SNRNP200: variants seen among roughly 807,000 people sequenced by gnomAD.
SNRNP200 encodes U5 small nuclear ribonucleoprotein 200 kDa helicase.
A neutral mutation model predicts 255.2 loss-of-function variants in SNRNP200; 66 were observed. The observed-to-expected ratio is 0.26, with a 90% CI of 0.21 to 0.32. The LOEUF is 0.32. Ranked by LOEUF, SNRNP200 falls within the 10% of genes least tolerant of loss-of-function variation. The pLI, the probability that SNRNP200 is intolerant of heterozygous loss-of-function variation, is 1.00. For synonymous variants in SNRNP200, 939 were observed against 1,027.8 expected (o/e 0.91, Z 1.65); for missense variants, 1,585 against 2,749.8 (o/e 0.58, Z 9.47).
rs773119311 is a variant in SNRNP200, at chr2:96,293,089, A to G, written c.2043T>C (p.Arg681=). 1.2e-6 allele frequency: 2 copies of G among 1,614,204 alleles called. No homozygotes were observed. Among genetic ancestry groups the G allele is most frequent in the East Asian group, 4.5e-5 (2 of 44,886 alleles). ...CATATGTCTGTTCCAGAGGCACTGGACGGAAGCTAGAAGTTCAACAGTTAG... is the reference window on the plus strand; with the variant it reads ...CATATGTCTGTTCCAGAGGCACTGGGCGGAAGCTAGAAGTTCAACAGTTAG... ...KGLFYFDNSF[R]PVPLEQTYVG... The change falls in exon 16 of 45, where the codon CGT becomes CGC. Residue 681 remains arginine (R), a synonymous_variant. Transcript: ENST00000323853.
intron 6 of SNRNP200, 60 bp from the exon 7 acceptor site, chr2:96,299,027 A>G: frequency 6.2e-7 from 1 of 1,604,742 alleles, no homozygotes; most frequent in South Asian, 1.1e-5. Flanking sequence ...TCACTTTGCC[A>G]CCACCCTGCA....
intron 23 of SNRNP200, 74 bp from the exon 24 acceptor site, chr2:96,288,820 C>G: frequency 7.6e-7 from 1 of 1,314,214 alleles, no homozygotes; most frequent in Non-Finnish European, 1.1e-6. Context: ...CATTTCTGCT[C>G]TGAGCATCCA....
chr2:96,287,841 AT>A lies in SNRNP200; in HGVS notation c.3365+21del. On this transcript the variant is annotated intron_variant, in intron 25 of 44. Coordinates refer to ENST00000323853, the MANE Select transcript of SNRNP200 (RefSeq NM_014014.5). The surrounding 1 kb of genome is among the most constrained non-coding windows in gnomAD (Gnocchi z 5.7). ...GGGACCCCCACTCATGGTGACCAGC[AT>A]CCAGCTCACTGGGTCCTTACATGCG... 1 of 1,606,876 alleles carries A rather than the reference AT, an allele frequency of 6.2e-7. No homozygotes were observed. Among genetic ancestry groups the A allele is most frequent in the Non-Finnish European group, 8.5e-7 (1 of 1,173,348 alleles).
At chr2:96,296,881 G>A (rs368581409) in intron 12 of SNRNP200, 52 bp downstream of exon 12, 7 of 1,612,462 alleles carry the variant, frequency 4.3e-6, no homozygotes, top group Middle Eastern at 1.7e-4. Context: ...ATCTTGCAAC[G>A]GAAACTCCAC....
At chr2:96,276,619 A>C in intron 43 of SNRNP200, 1 of 413,440 alleles carries the variant, frequency 2.4e-6, no homozygotes, top group Admixed American at 3.5e-5. Flanking sequence ...ACGGGGTTTC[A>C]CTATGTTGGC....
At chr2:96,275,451 G>T in intron 43 of SNRNP200, 102 bp from the exon 44 acceptor site, 1 of 974,204 alleles carries the variant, frequency 1.0e-6, no homozygotes. Flanking sequence ...AAATCAGATA[G>T]CTTTCCAAAG....
At position 96,280,115 on chromosome 2, in the gene SNRNP200, T is replaced by G. The variant is rs115545757; in HGVS notation, c.5025-556A>C. ...TCGTGAGTCATCAAGTCACCCAACT[T>G]TAACCCTACCTAGAAGCAGGTTCAA... is the stretch of plus-strand genomic sequence containing the variant. On this transcript the variant is annotated intron_variant, in intron 35 of 44. Coordinates refer to ENST00000323853, the MANE Select transcript of SNRNP200 (RefSeq NM_014014.5). Among the ~76,000 whole-genome samples the G allele has an allele frequency of 5.9e-3, 901 of 152,290 alleles. 4 individuals carry two copies. Among genetic ancestry groups the G allele is most frequent in the Non-Finnish European group, 0.01 (689 of 68,020 alleles).
At position 96,285,269 on chromosome 2, in the gene SNRNP200, A is replaced by C. The variant is rs1573992729; in HGVS notation, c.4075T>G (p.Cys1359Gly). 6.2e-7 allele frequency: 1 copy of C among 1,614,150 alleles called. No individual in the cohort carries two copies. Among genetic ancestry groups the C allele is most frequent in the Non-Finnish European group, 8.5e-7 (1 of 1,180,028 alleles). Residue 1359 changes from cysteine to glycine, a missense_variant, in exon 30 of 45, where the codon TGT becomes GGT. Coordinates refer to ENST00000323853, the MANE Select transcript of SNRNP200 (RefSeq NM_014014.5). Reference sequence around the variant, plus strand: ...ATTCGCAGGATGGCAAACTCTGCACAAATAGTCTTCCCGCTGCCCGTGGGG... The same window carrying C: ...ATTCGCAGGATGGCAAACTCTGCACCAATAGTCTTCCCGCTGCCCGTGGGG... The part of the protein sequence containing the change: ...GAPTGSGKTI[C>G]AEFAILRMLL...
intron 35 of SNRNP200, chr2:96,281,555 G>A (rs1669469818): frequency 4.3e-6 from 2 of 461,928 alleles, no homozygotes; most frequent in South Asian, 4.0e-5. Flanking sequence ...TGAGATTAAT[G>A]ACGTAACGTC....
chr2:96,281,944 A>G (rs1684768191), intron 34 of SNRNP200, 22 bp from the exon 35 acceptor site: 1 of 1,589,758 alleles, frequency 6.3e-7, no homozygotes, highest in Admixed American at 1.7e-5. Context: ...AGGGGAGAGG[A>G]AGGCTGAGGG....
At chr2:96,279,216 G>C (rs911561560) in intron 36 of SNRNP200, 4 of 646,322 alleles carry the variant, frequency 6.2e-6, no homozygotes, top group African/African-American at 1.8e-5. Flanking sequence ...AGCCCAAGGA[G>C]GAAGGAGAGA....
In SNRNP200 at chr2:96,283,716, G is replaced by T. The variant is rs2063823721; in HGVS notation, c.4585-3C>A. 3.1e-6 allele frequency: 5 copies of T among 1,614,050 alleles called. No individual in the cohort carries two copies. Among genetic ancestry groups the T allele is most frequent in the Non-Finnish European group, 4.2e-6 (5 of 1,180,034 alleles). On this transcript the variant is annotated splice_polypyrimidine_tract_variant and splice_region_variant and intron_variant, in intron 32 of 44. Coordinates refer to ENST00000323853, the MANE Select transcript of SNRNP200 (RefSeq NM_014014.5). This position sits in a 1 kb window ranked among gnomAD's most constrained non-coding sequence, Gnocchi z 4.7. ...TGTGTATGGCTGATGTTGAAGCCCT[G>T]GCGACCGGGGAGAAGAAAAGACACC...
intron 35 of SNRNP200, 140 bp downstream of exon 35, chr2:96,281,670 TCAAA>T: frequency 1.4e-6 from 1 of 718,288 alleles, no homozygotes; most frequent in Non-Finnish European, 2.5e-6. Context: ...CACAAAACTC[TCAAA>T]CACTTGGCTC....
chr2:96,278,311 T>G lies in SNRNP200; in HGVS notation c.5536A>C (p.Ile1846Leu). 2.5e-6 allele frequency: 4 copies of G among 1,614,174 alleles called. No individual in the cohort carries two copies. Residue 1846 changes from isoleucine to leucine, a missense_variant, in exon 39 of 45, where the codon ATC becomes CTC. Around this residue, in one of 9 missense-constraint regions of SNRNP200, gnomAD observed 279 missense variants for 551.2 expected, o/e 0.51. Coordinates refer to ENST00000323853, the MANE Select transcript of SNRNP200 (RefSeq NM_014014.5). This position sits in a 1 kb window ranked among gnomAD's most constrained non-coding sequence, Gnocchi z 6.9. ...TCTGCTGCATTGGAGATGATCTCGATAAGCCCTCGCACCTTGGTCTTGGCA... is the reference window on the plus strand; with the variant it reads ...TCTGCTGCATTGGAGATGATCTCGAGAAGCCCTCGCACCTTGGTCTTGGCA... ...LNAKTKVRGL[I>L]EIISNAAEYE...
chr2:96,275,415 T>C (rs1684638120), intron 43 of SNRNP200, 66 bp from the exon 44 acceptor site: 1 of 1,335,872 alleles, frequency 7.5e-7, no homozygotes, highest in African/African-American at 1.4e-5. Context: ...ACCATGAAAA[T>C]GGTACAGTTA....
Position 96,284,021 on chromosome 2 carries a change from A to G in SNRNP200, c.4393-17T>C, listed in dbSNP as rs2063825674. On this transcript the variant is annotated splice_polypyrimidine_tract_variant and intron_variant, in intron 31 of 44. Transcript: ENST00000323853. The stretch of plus-strand genomic sequence containing the variant: ...TAAGACAGGCTGGAAAGAGGGAGGG[A>G]GGGAGGGTCACTGCAGGCCAAGGCT... The G allele has an allele frequency of 5.1e-6, 3 of 588,562 alleles. No individual in the cohort carries two copies. The highest frequency in any genetic ancestry group is 6.3e-6 in the Non-Finnish European group (2 of 319,178). 36.5% of individuals were successfully genotyped at this position (588,562 alleles called of 1,614,324 possible).
In SNRNP200 at chr2:96,289,885, G is replaced by A. The variant is rs752690077; in HGVS notation, c.2854C>T (p.Arg952Cys). 9 of 1,614,088 alleles carry A rather than the reference G, an allele frequency of 5.6e-6. 1 individual carries two copies. Among genetic ancestry groups the A allele is most frequent in the South Asian group, 3.3e-5 (3 of 91,082 alleles). The change falls in exon 21 of 45, where the codon CGC becomes TGC. Residue 952 changes from arginine to cysteine, a missense_variant. This residue lies in a region of SNRNP200 where 719 missense variants were observed against 1,091.1 expected (regional missense o/e 0.66). Transcript: ENST00000323853. ...DLKGDPLLDQ[R>C]RLDLVHTAAL... ...GCTGTATGAACCAGATCTAGTCGGC[G>A]CTGGTCCAGCAGGGGATCTCCCTTG...
rs1558762862 is a variant in SNRNP200, at chr2:96,277,742, G to T, written c.5755-27C>A. 6.2e-7 allele frequency: 1 copy of T among 1,614,122 alleles called. No individual in the cohort carries two copies. Among genetic ancestry groups the T allele is most frequent in the African/African-American group, 1.3e-5 (1 of 75,036 alleles). ...TGAACAGGAAAAGGAGTATAAAAGTGGGCGGAGTTGGAGCTGAGATGTTTA... is the reference window on the plus strand; with the variant it reads ...TGAACAGGAAAAGGAGTATAAAAGTTGGCGGAGTTGGAGCTGAGATGTTTA... On this transcript the variant is annotated intron_variant, in intron 40 of 44. Coordinates refer to ENST00000323853, the MANE Select transcript of SNRNP200 (RefSeq NM_014014.5). This position sits in a 1 kb window ranked among gnomAD's most constrained non-coding sequence, Gnocchi z 4.4.
At position 96,278,742 on chromosome 2, in the gene SNRNP200, C is replaced by A. The variant is rs78519182; in HGVS notation, c.5324-31G>T. ...GAGGCGAGAGGTGAGTGGGGAGCCT[C>A]AAGAAGATGCCCAGCAAAGACTGTG... On this transcript the variant is annotated intron_variant, in intron 37 of 44. Coordinates refer to ENST00000323853, the MANE Select transcript of SNRNP200 (RefSeq NM_014014.5). This position sits in a 1 kb window ranked among gnomAD's most constrained non-coding sequence, Gnocchi z 6.9. 17 of 1,614,160 alleles carry A rather than the reference C, an allele frequency of 1.1e-5. No individual in the cohort carries two copies. Among genetic ancestry groups the A allele is most frequent in the Non-Finnish European group, 1.4e-5 (17 of 1,180,032 alleles).
Sources: gnomAD v4.1 joint callset for allele counts (sites outside exome capture counted in the v4.1 genomes callset) on GRCh38, gnomAD v4.1.1 for gene constraint, gnomAD v4.1.1 regional missense constraint, Gnocchi (gnomAD v3.1) non-coding constraint, MANE v1.5 for transcripts, NCBI Gene and HGNC (gene_info 2026-07-23, HGNC 2026-07-21) for gene names.